CAST: variants seen among roughly 807,000 people sequenced by gnomAD.
The protein encoded by CAST is MIR583 host.
Under a neutral mutation model 119.6 loss-of-function variants are expected in CAST, and 76 were observed. That is an observed-to-expected ratio of 0.64 (90% CI 0.53 to 0.77). CAST has a LOEUF of 0.77. Among genes scored for constraint, CAST ranks in the 30% least tolerant of loss-of-function variants. The pLI is 0.00. For missense variants in CAST, 953 were observed against 946.5 expected (o/e 1.01, Z -0.09); for synonymous variants, 319 against 331.6 (o/e 0.96, Z 0.41).
At chr5:95,975,524 G>A in the CAST span, among the ~76,000 whole-genome samples, 10 of 152,194 alleles carry the variant, frequency 6.6e-5, no homozygotes, top group East Asian at 1.9e-4. Flanking sequence ...TTAAATTACC[G>A]TTCAACTGAA....
chr5:96,548,808 A>G (rs1580819442), intron 1 of CAST, among the ~76,000 whole-genome samples: 1 of 152,204 alleles, frequency 6.6e-6, no homozygotes. Flanking sequence ...TTCCAGTTAA[A>G]TTTGAACATT....
the CAST span, among the ~76,000 whole-genome samples, chr5:96,321,583 C>A: frequency 6.6e-6 from 1 of 152,114 alleles, no homozygotes; most frequent in Non-Finnish European, 1.5e-5. Context: ...GATTATTGGG[C>A]CATTAATTGG....
At chr5:96,114,363 C>T in the CAST span, among the ~76,000 whole-genome samples, 1 of 152,074 alleles carries the variant, frequency 6.6e-6, no homozygotes, top group Non-Finnish European at 1.5e-5. Context: ...AAAAGGATTC[C>T]CAGGGGATTT....
At chr5:96,631,859 T>A (rs995954897) in intron 1 of CAST, among the ~76,000 whole-genome samples, 3 of 152,078 alleles carry the variant, frequency 2.0e-5, no homozygotes, top group East Asian at 1.9e-4. Context: ...CAGGTATATA[T>A]TTAGGAGTGG....
chr5:96,499,986 T>C, the CAST span, among the ~76,000 whole-genome samples: 4 of 152,082 alleles, frequency 2.6e-5, no homozygotes, highest in African/African-American at 9.7e-5. Context: ...CCTCAGGGAA[T>C]AGGGAGACCA....
At chr5:96,349,776 CTGTT>C in the CAST span, among the ~76,000 whole-genome samples, 1 of 152,030 alleles carries the variant, frequency 6.6e-6, no homozygotes, top group African/African-American at 2.4e-5. Context: ...AAACTCCTTT[CTGTT>C]TGTGTAACTT....
At chr5:96,640,581 G>A (rs981692474) in intron 1 of CAST, among the ~76,000 whole-genome samples, 5 of 152,120 alleles carry the variant, frequency 3.3e-5, no homozygotes, top group African/African-American at 1.2e-4. Flanking sequence ...TTCCACAAGA[G>A]CCCTTGGGAT....
At chr5:96,409,856 T>C in the CAST span, among the ~76,000 whole-genome samples, 1 of 152,238 alleles carries the variant, frequency 6.6e-6, no homozygotes, top group Admixed American at 6.5e-5. Flanking sequence ...ACAGCTTTAC[T>C]GTCTAAACTA....
At chr5:96,668,145 C>T (rs1012941504) in intron 1 of CAST, among the ~76,000 whole-genome samples, 5 of 109,056 alleles carry the variant, frequency 4.6e-5, no homozygotes, top group African/African-American at 1.9e-4. Flanking sequence ...AGCACAGACA[C>T]GCGTGCACAC....
At chr5:96,583,671 T>A (rs146914800) in intron 1 of CAST, among the ~76,000 whole-genome samples, 256 of 152,306 alleles carry the variant, frequency 1.7e-3, no homozygotes, top group African/African-American at 5.9e-3. Context: ...TTCGTACAAC[T>A]TTTTGCCCAC....
the CAST span, among the ~76,000 whole-genome samples, chr5:96,281,931 A>G: frequency 6.6e-6 from 1 of 152,204 alleles, no homozygotes; most frequent in African/African-American, 2.4e-5. Context: ...TAGAAATTCT[A>G]TTAGCTTTAT....
At chr5:96,491,330 C>CA in the CAST span, among the ~76,000 whole-genome samples, 119,268 of 144,734 alleles carry the variant, frequency 0.82, 50,160 homozygotes, top group Non-Finnish European at 0.93. Context: ...CTAAAAAATA[C>CA]AAAAAAAAAA....
At chr5:96,108,633 C>G in the CAST span, among the ~76,000 whole-genome samples, 2 of 148,684 alleles carry the variant, frequency 1.3e-5, no homozygotes, top group Admixed American at 1.6e-4. Flanking sequence ...TCAAAGCTGT[C>G]AGACAGGGAC....
the CAST span, among the ~76,000 whole-genome samples, chr5:96,026,215 C>G: frequency 1.3e-5 from 2 of 152,120 alleles, no homozygotes; most frequent in Non-Finnish European, 2.9e-5. Flanking sequence ...GAGACCCTGT[C>G]TTAAATCAAT....
At chr5:96,662,128 G>C (rs1580866948), upstream of CAST, 4 of 338,334 alleles carry the variant, frequency 1.2e-5, no homozygotes, top group East Asian at 9.9e-5. Flanking sequence ...CTGACCAACC[G>C]GGACCAGAGC....
chr5:96,506,682 T>C, the CAST span, among the ~76,000 whole-genome samples: 1 of 151,972 alleles, frequency 6.6e-6, no homozygotes, highest in Non-Finnish European at 1.5e-5. Flanking sequence ...CTCCTCCCAC[T>C]ATGAGGAGGT....
chr5:96,375,672 T>G, the CAST span, among the ~76,000 whole-genome samples: 2 of 151,898 alleles, frequency 1.3e-5, no homozygotes. Context: ...ATCAGCTGAC[T>G]TTAAGTAAAG....
the CAST span, among the ~76,000 whole-genome samples, chr5:96,331,168 G>T: frequency 6.6e-6 from 1 of 152,312 alleles, no homozygotes; most frequent in Non-Finnish European, 1.5e-5. Context: ...CTTGACTCAG[G>T]AGTCCTATCA....
chr5:96,750,737 C>G, intron 20 of CAST, 55 bp downstream of exon 20: 1 of 939,214 alleles, frequency 1.1e-6, no homozygotes, highest in Non-Finnish European at 1.8e-6. Context: ...TCTGCCTCCT[C>G]CTGTCACTCT....
Sources: gnomAD v4.1 joint callset for allele counts (sites outside exome capture counted in the v4.1 genomes callset) on GRCh38, gnomAD v4.1.1 for gene constraint, MANE v1.5 for transcripts, NCBI Gene and HGNC (gene_info 2026-07-23, HGNC 2026-07-21) for gene names.